The following ESF1 variants were observed in gnomAD, a reference collection of about 807,000 sequenced individuals.
The protein encoded by ESF1 is ESF1 nucleolar pre-rRNA processing protein.
A neutral mutation model predicts 92.0 loss-of-function variants in ESF1; 58 were observed. The ratio of observed to expected loss-of-function variants is 0.63; its 90% confidence interval spans 0.51 to 0.78. The LOEUF (loss-of-function observed/expected upper bound fraction) is 0.78, where lower values mean the gene tolerates loss of function less well. Among genes scored for constraint, ESF1 ranks in the 30% least tolerant of loss-of-function variants. The pLI, the probability that ESF1 is intolerant of heterozygous loss-of-function variation, is 0.00. For missense variants in ESF1, 922 were observed against 989.1 expected (o/e 0.93, Z 0.91); for synonymous variants, 321 against 313.7 (o/e 1.02, Z -0.24).
In ESF1 at chr20:13,752,416, G is replaced by A. The variant is rs114299161; in HGVS notation, c.1828+7276C>T. On this transcript the variant is annotated intron_variant, in intron 9 of 13. Transcript: ENST00000617257. ...TCTTTTAGCTTATTTTTAAGTTCAG[G>A]TTTTCCATTTAATGCCCTCTTCTAT... Among the ~76,000 whole-genome samples, 202 of 152,096 alleles carry A rather than the reference G, an allele frequency of 1.3e-3. 1 individual carries two copies. The highest frequency in any genetic ancestry group is 4.6e-3 in the African/African-American group (189 of 41,486).
rs1477547662 is a variant in ESF1 at position 13,782,685 on chromosome 20, T to A, written c.456A>T (p.Ile152=). ...ATTCTTTGCTATCCTTCTTCGGACT[T>A]ATGTTTGAATCTATCTTAAATTTAC... The part of the protein sequence containing the change: ...TSCKFKIDSN[I]SPKKDSKEFT... The change falls in exon 2 of 14, where the codon ATA becomes ATT. Residue 152 remains isoleucine (I), a synonymous_variant. Transcript: ENST00000617257. The A allele has an allele frequency of 6.3e-7, 1 of 1,593,992 alleles. No individual in the cohort carries two copies. The highest frequency in any genetic ancestry group is 1.2e-5 in the South Asian group (1 of 85,506).
intron 13 of ESF1, among the ~76,000 whole-genome samples, chr20:13,716,725 T>C (rs1162854968): frequency 1.3e-5 from 2 of 149,232 alleles, no homozygotes; most frequent in Admixed American, 6.7e-5. Flanking sequence ...ACTGCAGGCT[T>C]GACCTCCTGG....
chr20:13,784,799 A>C, intron 1 of ESF1, 81 bp downstream of exon 1: 1 of 526,088 alleles, frequency 1.9e-6, no homozygotes, highest in East Asian at 3.3e-5. Flanking sequence ...GTTAGAGACT[A>C]GTTTTTTCCC....
intron 9 of ESF1, among the ~76,000 whole-genome samples, chr20:13,757,804 A>T (rs562154570): frequency 6.4e-4 from 98 of 152,304 alleles, no homozygotes; most frequent in Middle Eastern, 3.4e-3. Context: ...TATATTTCTG[A>T]AATATTTGCT....
rs144432418 is a variant in ESF1 at position 13,738,411 on chromosome 20, T to C, written c.1829-4569A>G. Among the ~76,000 whole-genome samples the C allele has an allele frequency of 4.6e-5, 7 of 151,894 alleles. No homozygotes were observed. The East Asian group carries it at 1.4e-3, about 30-fold the overall frequency. On this transcript the variant is annotated intron_variant, in intron 9 of 13. Coordinates refer to ENST00000617257, the MANE Select transcript of ESF1 (RefSeq NM_001276380.2). ...TCACTGCAGCCTAGATGTCCCAGGC[T>C]CAAGCAATCTTCCCACCTCAGCCTC...
At chr20:13,768,861 C>CACTCCA (rs1979550490) in intron 7 of ESF1, among the ~76,000 whole-genome samples, 1 of 139,464 alleles carries the variant, frequency 7.2e-6, no homozygotes, top group Admixed American at 7.5e-5. Context: ...CGCGCCACTG[C>CACTCCA]ACTCCAGCCT....
intron 8 of ESF1, among the ~76,000 whole-genome samples, chr20:13,766,033 T>C (rs905139862): frequency 5.3e-5 from 8 of 152,190 alleles, no homozygotes; most frequent in Admixed American, 1.3e-4. Flanking sequence ...TCAGCAGATT[T>C]AACACTGCTG....
chr20:13,777,908 T>A (rs1980015162), intron 2 of ESF1, among the ~76,000 whole-genome samples: 1 of 152,238 alleles, frequency 6.6e-6, no homozygotes, highest in Non-Finnish European at 1.5e-5. Flanking sequence ...TATAATCTTA[T>A]AATAGTTATT....
rs190513889 is a variant in ESF1 at position 13,762,234 on chromosome 20, A to C, written c.1667-2381T>G. ...TATTGTTTTCTTAAAATAAATAAAA[A>C]ATGGTCCAGGACATTCTTTCCATCC... On this transcript the variant is annotated intron_variant, in intron 8 of 13. Transcript: ENST00000617257. Among the ~76,000 whole-genome samples, 18 of 152,334 alleles carry C rather than the reference A, an allele frequency of 1.2e-4. No individual in the cohort carries two copies. In the East Asian group the frequency reaches 3.5e-3, roughly 29 times the overall value.
rs1419085736 is a variant in ESF1 at position 13,775,915 on chromosome 20, A to T, written c.993T>A (p.His331Gln). 1 of 1,613,402 alleles carries T rather than the reference A, an allele frequency of 6.2e-7. No individual in the cohort carries two copies. Among genetic ancestry groups the T allele is most frequent in the Non-Finnish European group, 8.5e-7 (1 of 1,179,690 alleles). ...CATCTTTATCTAATTCTCTCCAAGC[A>T]TGCTCAAAACCAGATTCTTCTGGAA... ...DLFPEESGFE[H>Q]AWRELDKDAP... Residue 331 changes from histidine to glutamine, a missense_variant, in exon 3 of 14, where the codon CAT (histidine) becomes CAA (glutamine). His to Gln is a conservative substitution (Grantham distance 24). Coordinates refer to ENST00000617257, the MANE Select transcript of ESF1 (RefSeq NM_001276380.2).
chr20:13,726,955 T>C (rs2049904351), intron 11 of ESF1, among the ~76,000 whole-genome samples: 1 of 152,212 alleles, frequency 6.6e-6, no homozygotes, highest in Non-Finnish European at 1.5e-5. Flanking sequence ...AAGTAAATTA[T>C]AAGCAAGCAA....
intron 9 of ESF1, among the ~76,000 whole-genome samples, chr20:13,737,670 T>C (rs760361759): frequency 6.6e-5 from 10 of 152,178 alleles, no homozygotes; most frequent in Non-Finnish European, 1.5e-4. Context: ...GGCTTTTTTT[T>C]TGAGACAGAG....
chr20:13,750,952 G>C (rs1453876870), intron 9 of ESF1, among the ~76,000 whole-genome samples: 2 of 152,194 alleles, frequency 1.3e-5, no homozygotes, highest in Non-Finnish European at 2.9e-5. Context: ...CTGGGCAACA[G>C]AACAAGACCT....
chr20:13,744,228 C>T (rs1315630853), intron 9 of ESF1, among the ~76,000 whole-genome samples: 1 of 152,176 alleles, frequency 6.6e-6, no homozygotes, highest in Non-Finnish European at 1.5e-5. Context: ...CCATATCACA[C>T]TTCTGTTCTT....
intron 9 of ESF1, among the ~76,000 whole-genome samples, chr20:13,737,908 G>A (rs895793178): frequency 1.1e-4 from 16 of 152,082 alleles, no homozygotes; most frequent in Admixed American, 1.0e-3. Flanking sequence ...CGCCCACCTC[G>A]GCTTCCCAAA....
At chr20:13,738,744 A>C (rs571954577) in intron 9 of ESF1, among the ~76,000 whole-genome samples, 1 of 152,316 alleles carries the variant, frequency 6.6e-6, no homozygotes, top group Admixed American at 6.5e-5. Context: ...TGCAAGCTCC[A>C]TGAGGGCAAA....
intron 8 of ESF1, among the ~76,000 whole-genome samples, chr20:13,762,215 T>C (rs1020114661): frequency 6.6e-6 from 1 of 152,200 alleles, no homozygotes; most frequent in Non-Finnish European, 1.5e-5. Context: ...TATATATTGT[T>C]TTCTTAAAAT....
chr20:13,774,909 C>A (rs1199604659), intron 4 of ESF1, among the ~76,000 whole-genome samples: 1 of 152,028 alleles, frequency 6.6e-6, no homozygotes, highest in African/African-American at 2.4e-5. Flanking sequence ...TATATGCTGT[C>A]CCTTTACTGA....
chr20:13,767,184 C>G (rs1313648244), intron 7 of ESF1, among the ~76,000 whole-genome samples: 1 of 152,108 alleles, frequency 6.6e-6, no homozygotes, highest in African/African-American at 2.4e-5. Flanking sequence ...TAACCAGTGT[C>G]TAAATTAATT....
Sources: gnomAD v4.1 joint callset for allele counts (sites outside exome capture counted in the v4.1 genomes callset) on GRCh38, gnomAD v4.1.1 for gene constraint, MANE v1.5 for transcripts, NCBI Gene and HGNC (gene_info 2026-07-23, HGNC 2026-07-21) for gene names.